PPP2R5C: variants seen among roughly 807,000 people sequenced by gnomAD.
PPP2R5C encodes the protein serine/threonine-protein phosphatase 2A 56 kDa regulatory subunit gamma isoform.
A neutral mutation model predicts 68.9 loss-of-function variants in PPP2R5C; 7 were observed. That is an observed-to-expected ratio of 0.10 (90% CI 0.06 to 0.19). The LOEUF is 0.19. PPP2R5C is among the 10% of genes least tolerant of loss of function. The pLI, the probability that PPP2R5C is intolerant of heterozygous loss-of-function variation, is 1.00. For missense variants in PPP2R5C, 348 were observed against 641.3 expected (o/e 0.54, Z 4.94); for synonymous variants, 210 against 222.2 (o/e 0.95, Z 0.49).
At chr14:101,837,960 G>A (rs759252943) in intron 1 of PPP2R5C, among the ~76,000 whole-genome samples, 9 of 152,128 alleles carry the variant, frequency 5.9e-5, no homozygotes, top group Non-Finnish European at 8.8e-5. Context: ...GGACTTGGCC[G>A]TGTTCTCATG....
chr14:101,788,880 C>T (rs1444658790), intron 3 of PPP2R5C, among the ~76,000 whole-genome samples: 1 of 151,962 alleles, frequency 6.6e-6, no homozygotes, highest in African/African-American at 2.4e-5. Context: ...TTTTCTGGGT[C>T]TTGTTTTCTG....
At chr14:101,823,896 T>C (rs1257209388) in intron 1 of PPP2R5C, 6 of 1,271,266 alleles carry the variant, frequency 4.7e-6, no homozygotes, top group Non-Finnish European at 3.1e-6. Flanking sequence ...GTTGATCTTA[T>C]GGTGTCATCT....
At chr14:101,859,911 C>A (rs754593204) in intron 2 of PPP2R5C, among the ~76,000 whole-genome samples, 7 of 148,698 alleles carry the variant, frequency 4.7e-5, no homozygotes, top group Non-Finnish European at 1.0e-4. Context: ...ACATTAATTT[C>A]CACTTTTTTT....
chr14:101,891,404 T>G lies in PPP2R5C; in HGVS notation c.689+1108T>G, dbSNP rs1463757864. On this transcript the variant is annotated intron_variant, in intron 6 of 13. Coordinates refer to ENST00000334743, the Ensembl canonical transcript of PPP2R5C. The surrounding 1 kb of genome is among the most constrained non-coding windows in gnomAD (Gnocchi z 4.9). ...TGTCCTCGCTGACAATTCTTTTAGT[T>G]TAGACAAACTTGGGCGGGGTTTCTC... is the stretch of plus-strand genomic sequence containing the variant. 6.6e-6 allele frequency among the ~76,000 whole-genome samples: 1 copy of G among 152,292 alleles called. No homozygotes were observed. The highest frequency in any genetic ancestry group is 2.4e-5 in the African/African-American group (1 of 41,566).
In PPP2R5C at chr14:101,772,475, A is replaced by C. The variant is rs567837677; in HGVS notation, c.93+9505A>C. On this transcript the variant is annotated intron_variant, in intron 2 of 14. Transcript: ENST00000328724. ...TTTATTTATTTATTTTGGGTTCAAAACACAAAATTTATTTTGGGTTAAAAA... is the reference window on the plus strand; with the variant it reads ...TTTATTTATTTATTTTGGGTTCAAACCACAAAATTTATTTTGGGTTAAAAA... Among the ~76,000 whole-genome samples, 4 of 152,156 alleles carry C rather than the reference A, an allele frequency of 2.6e-5. No individual in the cohort carries two copies. In the South Asian group the frequency reaches 8.3e-4, roughly 32 times the overall value.
At position 101,825,973 on chromosome 14, in the gene PPP2R5C, G is replaced by A. The variant is rs952807036; in HGVS notation, c.94+15937G>A. ...AACTGACCAAGGATCGGTGAGAATA[G>A]GAGGTGGCCCAGAGGGCATGGTCAG... is the stretch of plus-strand genomic sequence containing the variant. On this transcript the variant is annotated intron_variant, in intron 1 of 13. Coordinates refer to ENST00000334743, the Ensembl canonical transcript of PPP2R5C. This position sits in a 1 kb window ranked among gnomAD's most constrained non-coding sequence, Gnocchi z 4.0. Among the ~76,000 whole-genome samples the A allele has an allele frequency of 2.0e-5, 3 of 152,188 alleles. No homozygotes were observed. In the East Asian group the frequency reaches 5.8e-4, roughly 29 times the overall value.
chr14:101,866,154 C>G (rs1416299895), intron 2 of PPP2R5C, among the ~76,000 whole-genome samples: 1 of 152,214 alleles, frequency 6.6e-6, no homozygotes, highest in African/African-American at 2.4e-5. Flanking sequence ...CTCAGCCTCC[C>G]AGAGTACTGG....
chr14:101,908,513 A>T (rs1253069183), intron 10 of PPP2R5C, among the ~76,000 whole-genome samples: 1 of 152,080 alleles, frequency 6.6e-6, no homozygotes, highest in Non-Finnish European at 1.5e-5. Flanking sequence ...AGCTGGGACT[A>T]CAGACATGAG....
chr14:101,812,897 C>T (rs927076732), intron 1 of PPP2R5C, among the ~76,000 whole-genome samples: 1 of 152,190 alleles, frequency 6.6e-6, no homozygotes, highest in African/African-American at 2.4e-5. Context: ...ACCAAGTAGT[C>T]TGGACTTTGC....
chr14:101,874,921 G>A (rs1566929394), intron 2 of PPP2R5C, among the ~76,000 whole-genome samples: 1 of 152,086 alleles, frequency 6.6e-6, no homozygotes, highest in Non-Finnish European at 1.5e-5. Flanking sequence ...TGTATTTTTA[G>A]TAGAGACAGG....
At chr14:101,872,475 C>T (rs2043489164) in intron 2 of PPP2R5C, among the ~76,000 whole-genome samples, 1 of 152,068 alleles carries the variant, frequency 6.6e-6, no homozygotes, top group South Asian at 2.1e-4. Flanking sequence ...TGGGCTCAAG[C>T]AGTCCTTTCA....
upstream of PPP2R5C, among the ~76,000 whole-genome samples, chr14:101,805,387 G>A (rs1337673774): frequency 1.3e-5 from 2 of 152,198 alleles, no homozygotes; most frequent in Non-Finnish European, 2.9e-5. Flanking sequence ...CTGTCAGTGG[G>A]AATGTGAAAT....
intron 2 of PPP2R5C, among the ~76,000 whole-genome samples, chr14:101,872,745 G>T (rs1355732311): frequency 1.3e-5 from 2 of 152,068 alleles, no homozygotes; most frequent in East Asian, 3.9e-4. Context: ...ATTATGATGG[G>T]CCTTGGCATG....
Position 101,888,261 on chromosome 14 carries a change from A to T in PPP2R5C, c.630-1976A>T, listed in dbSNP as rs1390903028. On this transcript the variant is annotated intron_variant, in intron 5 of 13. Transcript: ENST00000334743. This position sits in a 1 kb window ranked among gnomAD's most constrained non-coding sequence, Gnocchi z 5.6. ...AACTGAAGCCACACGGCTGCCGTGT[A>T]TGCAAAGGGAGCCTGCAGGGTGAGT... 6.6e-6 allele frequency among the ~76,000 whole-genome samples: 1 copy of T among 152,056 alleles called. No individual in the cohort carries two copies.
intron 11 of PPP2R5C, among the ~76,000 whole-genome samples, chr14:101,911,102 C>CA (rs11405783): frequency 0.19 from 24,037 of 126,910 alleles, 2,741 homozygotes; most frequent in African/African-American, 0.32. Context: ...GACTCCGTCT[C>CA]AAAAAAAAAA....
intron 3 of PPP2R5C, chr14:101,789,560 CAG>C (rs1382893932): frequency 6.6e-6 from 1 of 152,190 alleles, no homozygotes; most frequent in African/African-American, 2.4e-5. Flanking sequence ...AGTTTTGTCA[CAG>C]TGTATTTTCA....
intron 1 of PPP2R5C, chr14:101,820,896 A>G (rs2040011609): frequency 1.3e-5 from 2 of 152,168 alleles, no homozygotes; most frequent in African/African-American, 2.4e-5. Flanking sequence ...AAGTATGGTC[A>G]GTATCAATGG....
At chr14:101,923,533 C>T (rs539333837) in intron 13 of PPP2R5C, among the ~76,000 whole-genome samples, 7 of 152,306 alleles carry the variant, frequency 4.6e-5, no homozygotes, top group Admixed American at 3.9e-4. Flanking sequence ...CACGTTAACA[C>T]GCTCTTACAA....
In PPP2R5C at chr14:101,888,167, G is replaced by A. The variant is rs2044643505; in HGVS notation, c.630-2070G>A. 6.6e-6 allele frequency among the ~76,000 whole-genome samples: 1 copy of A among 152,082 alleles called. No homozygotes were observed. Among genetic ancestry groups the A allele is most frequent in the Non-Finnish European group, 1.5e-5 (1 of 68,026 alleles). On this transcript the variant is annotated intron_variant, in intron 5 of 13. Coordinates refer to ENST00000334743, the Ensembl canonical transcript of PPP2R5C. This position sits in a 1 kb window ranked among gnomAD's most constrained non-coding sequence, Gnocchi z 5.6. ...AAGCTGATGGATCTAGACCAGAAGG[G>A]GTCCAGGGGTCTTTGTCTCGGAGAG...
Sources: allele counts gnomAD v4.1 joint callset (sites outside exome capture counted in the v4.1 genomes callset), GRCh38; gene constraint gnomAD v4.1.1; non-coding constraint Gnocchi (gnomAD v3.1); transcripts MANE v1.5; gene names NCBI Gene and HGNC (gene_info 2026-07-23, HGNC 2026-07-21).